Variants in LRP1B observed in about 807,000 individuals in gnomAD.
The protein encoded by LRP1B is low-density lipoprotein receptor-related protein 1B.
In LRP1B, 217 loss-of-function variants were observed where a neutral mutation model predicts 556.6. The observed-to-expected ratio is 0.39, with a 90% CI of 0.35 to 0.44. The LOEUF (loss-of-function observed/expected upper bound fraction) is 0.44. Ranked by LOEUF, LRP1B falls within the 20% of genes least tolerant of loss-of-function variation. LRP1B has a pLI of 1.00. For synonymous variants in LRP1B, 2,047 were observed against 1,865.8 expected (o/e 1.10, Z -2.50); for missense variants, 5,053 against 5,620.8 (o/e 0.90, Z 3.23).
chr2:141,012,023 C>T (rs115094230), intron 14 of LRP1B, among the ~76,000 whole-genome samples: 3,931 of 152,118 alleles, frequency 0.026, 80 homozygotes, highest in Non-Finnish European at 0.04. Flanking sequence ...TTTTAAATAA[C>T]ACATAGCTAT....
At chr2:141,419,266 C>T (rs578095833) in intron 3 of LRP1B, among the ~76,000 whole-genome samples, 1 of 152,068 alleles carries the variant, frequency 6.6e-6, no homozygotes, top group Non-Finnish European at 1.5e-5. Flanking sequence ...TCTTGTGATG[C>T]CTTTTCCTGT....
intron 35 of LRP1B, among the ~76,000 whole-genome samples, chr2:140,749,822 T>C (rs1208838776): frequency 6.6e-6 from 1 of 152,234 alleles, no homozygotes; most frequent in African/African-American, 2.4e-5. Flanking sequence ...TTTGTTACTA[T>C]TGTCAAGTAT....
At chr2:141,676,484 C>G (rs765333412) in intron 2 of LRP1B, among the ~76,000 whole-genome samples, 1 of 152,136 alleles carries the variant, frequency 6.6e-6, no homozygotes, top group African/African-American at 2.4e-5. Context: ...CTTCAGGCAT[C>G]TGGTTGATCT....
At chr2:141,416,368 G>T (rs185646873) in intron 3 of LRP1B, among the ~76,000 whole-genome samples, 372 of 151,178 alleles carry the variant, frequency 2.5e-3, no homozygotes, top group African/African-American at 8.1e-3. Context: ...TAAGACTATT[G>T]TGAGGATTAA....
At chr2:141,118,151 A>C (rs1026667038) in intron 7 of LRP1B, among the ~76,000 whole-genome samples, 2 of 140,656 alleles carry the variant, frequency 1.4e-5, no homozygotes, top group African/African-American at 5.1e-5. Flanking sequence ...GATAAAAGGT[A>C]AAGTTTTGAT....
chr2:141,158,764 C>T (rs963789281), intron 7 of LRP1B, among the ~76,000 whole-genome samples: 4 of 152,092 alleles, frequency 2.6e-5, no homozygotes, highest in African/African-American at 9.7e-5. Context: ...GATTTCCAGT[C>T]TCGGAGAACA....
intron 32 of LRP1B, among the ~76,000 whole-genome samples, chr2:140,803,486 G>C (rs968460425): frequency 3.3e-5 from 5 of 151,546 alleles, no homozygotes; most frequent in African/African-American, 7.3e-5. Context: ...TTTTAGTAGA[G>C]ACAGGGTTTC....
rs2105198270 is a variant in LRP1B at position 140,385,877 on chromosome 2, G to A, written c.10531+16C>T. 5 of 1,537,458 alleles carry A rather than the reference G, an allele frequency of 3.3e-6. No individual in the cohort carries two copies. Among genetic ancestry groups the A allele is most frequent in the South Asian group, 1.1e-5 (1 of 89,380 alleles). On this transcript the variant is annotated intron_variant, in intron 67 of 90. Transcript: ENST00000389484. ...GGCTGTCAAGCTCAAAACATTATTAGGCAAGAGTTACTTACTACAGTTTTC... is the reference window on the plus strand; with the variant it reads ...GGCTGTCAAGCTCAAAACATTATTAAGCAAGAGTTACTTACTACAGTTTTC...
chr2:140,285,877 A>T (rs932999103), intron 84 of LRP1B, among the ~76,000 whole-genome samples: 13 of 151,732 alleles, frequency 8.6e-5, no homozygotes, highest in Admixed American at 2.6e-4. Context: ...GTACATGAAG[A>T]TAGTGCAGTG....
At chr2:141,773,331 A>G (rs376803961) in intron 2 of LRP1B, among the ~76,000 whole-genome samples, 24 of 152,234 alleles carry the variant, frequency 1.6e-4, no homozygotes, top group East Asian at 1.2e-3. Context: ...TGGGGAATAC[A>G]TCATTAAACC....
At chr2:141,056,826 ATATACCC>A (rs1699190573) in intron 9 of LRP1B, among the ~76,000 whole-genome samples, 1 of 151,866 alleles carries the variant, frequency 6.6e-6, no homozygotes, top group Non-Finnish European at 1.5e-5. Flanking sequence ...GTATATTTAA[ATATACCC>A]TTGATATTTT....
At position 140,370,694 on chromosome 2, in the gene LRP1B, CACAAA is replaced by C; in HGVS notation, c.11008+11_11008+15del. 6.2e-7 allele frequency: 1 copy of C among 1,611,536 alleles called. No homozygotes were observed. Among genetic ancestry groups the C allele is most frequent in the Non-Finnish European group, 8.5e-7 (1 of 1,178,438 alleles). On this transcript the variant is annotated intron_variant, in intron 71 of 90. Coordinates refer to ENST00000389484, the MANE Select transcript of LRP1B (RefSeq NM_018557.3). ...ATTCTCTCATTTACAGGCACACACA[CACAAA>C]AATACCTTACCTCTTTCACAGTTCT...
intron 66 of LRP1B, among the ~76,000 whole-genome samples, chr2:140,401,612 C>T (rs1573894628): frequency 6.6e-6 from 1 of 152,284 alleles, no homozygotes; most frequent in East Asian, 1.9e-4. Flanking sequence ...AGGACATAAA[C>T]TTTTGGGAGC....
chr2:142,126,285 A>G (rs1707649171), intron 1 of LRP1B, among the ~76,000 whole-genome samples: 1 of 151,470 alleles, frequency 6.6e-6, no homozygotes, highest in Admixed American at 6.6e-5. Flanking sequence ...TTGTCCAGAT[A>G]AATAGACATG....
intron 18 of LRP1B, among the ~76,000 whole-genome samples, chr2:140,975,775 T>TA (rs1227081658): frequency 6.6e-6 from 1 of 152,110 alleles, no homozygotes; most frequent in Non-Finnish European, 1.5e-5. Context: ...TCTTAGAAAA[T>TA]AAAAAATATT....
At chr2:141,159,269 A>G (rs996244636) in intron 7 of LRP1B, among the ~76,000 whole-genome samples, 4 of 152,222 alleles carry the variant, frequency 2.6e-5, no homozygotes, top group Non-Finnish European at 5.9e-5. Flanking sequence ...ACATAATTTT[A>G]CAGTTGATTA....
intron 4 of LRP1B, among the ~76,000 whole-genome samples, chr2:141,252,798 G>T (rs1414694814): frequency 1.3e-5 from 2 of 152,012 alleles, no homozygotes; most frequent in Admixed American, 1.3e-4. Flanking sequence ...AAAGACAGAG[G>T]GCTACCTGGA....
At chr2:141,587,497 TAG>T (rs1406257540) in intron 2 of LRP1B, among the ~76,000 whole-genome samples, 2 of 152,216 alleles carry the variant, frequency 1.3e-5, no homozygotes, top group African/African-American at 4.8e-5. Context: ...ATACACCAAA[TAG>T]AGAGTGACTG....
intron 84 of LRP1B, among the ~76,000 whole-genome samples, chr2:140,288,787 G>A (rs1032683818): frequency 8.6e-5 from 13 of 151,818 alleles, no homozygotes; most frequent in Admixed American, 3.3e-4. Context: ...CCATTAAAAG[G>A]TTACTGTTAG....
Sources: gnomAD v4.1 joint callset for allele counts (sites outside exome capture counted in the v4.1 genomes callset) on GRCh38, gnomAD v4.1.1 for gene constraint, MANE v1.5 for transcripts, NCBI Gene and HGNC (gene_info 2026-07-23, HGNC 2026-07-21) for gene names.